The following RBFOX1 variants were observed in gnomAD, a reference collection of about 807,000 sequenced individuals.
The protein encoded by RBFOX1 is RNA binding protein fox-1 homolog 1.
RBFOX1 carries 8 observed loss-of-function variants against 57.7 expected under a neutral mutation model. That is an observed-to-expected ratio of 0.14 (90% CI 0.08 to 0.25). The LOEUF is 0.25. Ranked by LOEUF, RBFOX1 falls within the 10% of genes least tolerant of loss-of-function variation. RBFOX1 has a pLI of 1.00. For synonymous variants in RBFOX1, 326 were observed against 222.4 expected, an observed-to-expected ratio of 1.47 and a Z score of -4.15; for missense variants, 611 against 548.5, an observed-to-expected ratio of 1.11 and a Z score of -1.14.
intron 3 of RBFOX1, among the ~76,000 whole-genome samples, chr16:5,825,378 T>C (rs28452813): frequency 6.6e-6 from 1 of 152,174 alleles, no homozygotes; most frequent in Non-Finnish European, 1.5e-5. Flanking sequence ...TTCATGCTCA[T>C]TTCCTGTATA....
At chr16:6,384,868 G>A (rs1367720565) in intron 2 of RBFOX1, among the ~76,000 whole-genome samples, 2 of 152,134 alleles carry the variant, frequency 1.3e-5, no homozygotes, top group Non-Finnish European at 2.9e-5. Context: ...TCTAACTAAC[G>A]TGTATCCTTC....
chr16:5,727,002 T>C (rs1302697449), intron 3 of RBFOX1, among the ~76,000 whole-genome samples: 4 of 152,210 alleles, frequency 2.6e-5, no homozygotes, highest in African/African-American at 9.6e-5. Context: ...CTCATGCCTG[T>C]AATCCCAGCA....
At chr16:6,913,080 A>G (rs1037532315) in intron 3 of RBFOX1, among the ~76,000 whole-genome samples, 13 of 152,088 alleles carry the variant, frequency 8.5e-5, no homozygotes, top group African/African-American at 2.2e-4. Flanking sequence ...CAGGCAGGAA[A>G]ACCATTATGG....
At chr16:7,639,890 C>T (rs953320529) in intron 11 of RBFOX1, among the ~76,000 whole-genome samples, 1 of 152,148 alleles carries the variant, frequency 6.6e-6, no homozygotes, top group Non-Finnish European at 1.5e-5. Flanking sequence ...TATTTATGAA[C>T]AATAGTTGCC....
chr16:6,634,792 A>AT (rs2098418692), intron 2 of RBFOX1, among the ~76,000 whole-genome samples: 1 of 139,200 alleles, frequency 7.2e-6, no homozygotes, highest in Non-Finnish European at 1.5e-5. Context: ...ATACAAAGAT[A>AT]TACATATATT....
At chr16:7,171,521 A>G (rs1020191354) in intron 4 of RBFOX1, among the ~76,000 whole-genome samples, 1 of 152,224 alleles carries the variant, frequency 6.6e-6, no homozygotes, top group African/African-American at 2.4e-5. Context: ...ATGTGACACA[A>G]AATTCAGCAC....
At chr16:5,893,312 G>A (rs1354469849) in intron 4 of RBFOX1, among the ~76,000 whole-genome samples, 1 of 152,120 alleles carries the variant, frequency 6.6e-6, no homozygotes, top group African/African-American at 2.4e-5. Flanking sequence ...TGGTGAATGG[G>A]CACAAAAAAT....
intron 3 of RBFOX1, among the ~76,000 whole-genome samples, chr16:6,806,179 A>G (rs1766609169): frequency 6.6e-6 from 1 of 152,336 alleles, no homozygotes; most frequent in South Asian, 2.1e-4. Flanking sequence ...GCCACAGGTC[A>G]CAATATAAGA....
At chr16:5,392,552 T>G (rs1198681272) in intron 1 of RBFOX1, among the ~76,000 whole-genome samples, 2 of 151,730 alleles carry the variant, frequency 1.3e-5, no homozygotes, top group Non-Finnish European at 2.9e-5. Flanking sequence ...TTTTCTTTTT[T>G]TTTTGAGACA....
chr16:7,610,439 T>A (rs1000737886), intron 10 of RBFOX1, among the ~76,000 whole-genome samples: 6 of 152,162 alleles, frequency 3.9e-5, no homozygotes, highest in African/African-American at 1.4e-4. Flanking sequence ...ATGATCATGC[T>A]ACTGCTCTGT....
intron 4 of RBFOX1, among the ~76,000 whole-genome samples, chr16:7,499,830 C>T (rs777209120): frequency 1.3e-5 from 2 of 151,328 alleles, no homozygotes; most frequent in Non-Finnish European, 2.9e-5. Context: ...CAATTAACTA[C>T]AATATCCTAA....
chr16:6,381,959 G>A (rs539850032), intron 2 of RBFOX1, among the ~76,000 whole-genome samples: 60 of 152,268 alleles, frequency 3.9e-4, no homozygotes, highest in Non-Finnish European at 7.9e-4. Context: ...CTAGGAAAAG[G>A]CTCTGCAAAG....
chr16:7,144,951 C>T (rs1442630426), intron 4 of RBFOX1, among the ~76,000 whole-genome samples: 1 of 152,068 alleles, frequency 6.6e-6, no homozygotes, highest in Non-Finnish European at 1.5e-5. Context: ...AGCCCCTCTC[C>T]CCCTCCCCCA....
At chr16:6,485,097 A>G (rs1463109289) in intron 2 of RBFOX1, among the ~76,000 whole-genome samples, 1 of 152,166 alleles carries the variant, frequency 6.6e-6, no homozygotes, top group Non-Finnish European at 1.5e-5. Context: ...GCTATGACTA[A>G]GTTTGAAGAG....
intron 2 of RBFOX1, among the ~76,000 whole-genome samples, chr16:5,477,617 T>C (rs944090228): frequency 6.6e-6 from 1 of 152,208 alleles, no homozygotes; most frequent in African/African-American, 2.4e-5. Context: ...TAGACGATAT[T>C]TGATCCATAG....
intron 3 of RBFOX1, among the ~76,000 whole-genome samples, chr16:6,901,948 A>G (rs1037461735): frequency 6.6e-6 from 1 of 152,130 alleles, no homozygotes; most frequent in Non-Finnish European, 1.5e-5. Context: ...ATGTCAGAAA[A>G]ATGGCACCTT....
chr16:5,604,787 CA>C (rs1307857735), downstream of RBFOX1, among the ~76,000 whole-genome samples: 2 of 152,126 alleles, frequency 1.3e-5, no homozygotes, highest in Non-Finnish European at 2.9e-5. Flanking sequence ...AAAAGGGGCT[CA>C]TGGGCCCCCC....
chr16:7,289,120 G>C (rs1232561196), intron 4 of RBFOX1, among the ~76,000 whole-genome samples: 2 of 152,166 alleles, frequency 1.3e-5, no homozygotes, highest in East Asian at 3.9e-4. Flanking sequence ...GTATCAGAGA[G>C]CCTCCTTAGA....
chr16:7,267,072 G>T (rs2095171782), intron 4 of RBFOX1, among the ~76,000 whole-genome samples: 1 of 152,150 alleles, frequency 6.6e-6, no homozygotes, highest in Admixed American at 6.5e-5. Flanking sequence ...GTCGAAGTGG[G>T]GGACAGTAGC....
Sources: allele counts gnomAD v4.1 joint callset (sites outside exome capture counted in the v4.1 genomes callset), GRCh38; gene constraint gnomAD v4.1.1; transcripts MANE v1.5; gene names NCBI Gene and HGNC (gene_info 2026-07-23, HGNC 2026-07-21).